The following LMNTD1 variants were observed in gnomAD, a reference collection of about 807,000 sequenced individuals.
LMNTD1 encodes lamin tail domain-containing protein 1.
Under a neutral mutation model 50.9 loss-of-function variants are expected in LMNTD1, and 35 were observed. The ratio of observed to expected loss-of-function variants is 0.69; its 90% confidence interval spans 0.53 to 0.91. LMNTD1 has a LOEUF of 0.91. LMNTD1 is among the 40% of genes least tolerant of loss of function. LMNTD1 has a pLI of 0.00. For synonymous variants in LMNTD1, 153 were observed against 161.9 expected (o/e 0.94, Z 0.42); for missense variants, 470 against 475.5 (o/e 0.99, Z 0.11).
intron 1 of LMNTD1, among the ~76,000 whole-genome samples, chr12:25,619,694 G>A (rs756829414): frequency 2.6e-5 from 4 of 152,168 alleles, no homozygotes; most frequent in African/African-American, 4.8e-5. Flanking sequence ...CCAGTGCTCC[G>A]TGGGCAGGAC....
chr12:25,487,087 G>T (rs1305731399), intron 9 of LMNTD1, among the ~76,000 whole-genome samples: 34 of 140,886 alleles, frequency 2.4e-4, no homozygotes, highest in Non-Finnish European at 2.8e-4. Context: ...GTGTGGTGTG[G>T]TGCTGAAAAA....
At chr12:25,622,867 G>A (rs1377308307) in intron 1 of LMNTD1, among the ~76,000 whole-genome samples, 1 of 140,060 alleles carries the variant, frequency 7.1e-6, no homozygotes, top group Non-Finnish European at 1.6e-5. Context: ...TTTCTGTGCT[G>A]AATTCATAAG....
intron 1 of LMNTD1, among the ~76,000 whole-genome samples, chr12:25,580,929 G>A (rs1945254760): frequency 6.6e-6 from 1 of 152,186 alleles, no homozygotes; most frequent in African/African-American, 2.4e-5. Flanking sequence ...CCCTTACCGG[G>A]TTGTTAAGAG....
intron 1 of LMNTD1, among the ~76,000 whole-genome samples, chr12:25,637,618 C>CCATTAAGCACACCAACTT (rs202029162): frequency 6.6e-6 from 1 of 151,932 alleles, no homozygotes; most frequent in South Asian, 2.1e-4. Flanking sequence ...CTGTGGGACA[C>CCATTAAGCACACCAACTT]CATTAAGCAC....
intron 1 of LMNTD1, among the ~76,000 whole-genome samples, chr12:25,622,463 G>GACCCC (rs1946491734): frequency 4.5e-5 from 5 of 111,152 alleles, no homozygotes; most frequent in Non-Finnish European, 8.1e-5. Context: ...GAGTTTGTGA[G>GACCCC]CCCGCCCCCC....
intron 1 of LMNTD1, among the ~76,000 whole-genome samples, chr12:25,634,171 G>A (rs1946776171): frequency 6.6e-6 from 1 of 152,218 alleles, no homozygotes; most frequent in South Asian, 2.1e-4. Flanking sequence ...AATAAGAAGT[G>A]AGATTGAAAT....
intron 9 of LMNTD1, among the ~76,000 whole-genome samples, chr12:25,491,463 G>T (rs1938881501): frequency 6.6e-6 from 1 of 152,346 alleles, no homozygotes; most frequent in Non-Finnish European, 1.5e-5. Flanking sequence ...AACGTAACGT[G>T]CCTGTATGGG....
intron 9 of LMNTD1, among the ~76,000 whole-genome samples, chr12:25,492,208 C>T (rs1384803706): frequency 1.3e-5 from 2 of 152,212 alleles, no homozygotes; most frequent in Non-Finnish European, 1.5e-5. Context: ...GAATATCCAT[C>T]AAGTTTTTAC....
intron 9 of LMNTD1, among the ~76,000 whole-genome samples, chr12:25,500,572 A>G (rs1939328052): frequency 1.3e-5 from 2 of 152,162 alleles, no homozygotes; most frequent in Admixed American, 6.5e-5. Context: ...GGTGCTTTCT[A>G]TGGGTCCTAA....
At chr12:25,591,806 C>G (rs1371244534) in intron 1 of LMNTD1, among the ~76,000 whole-genome samples, 1 of 60,552 alleles carries the variant, frequency 1.7e-5, no homozygotes, top group East Asian at 4.5e-4. Context: ...CCTAATAGCT[C>G]AGAACAGAGA....
At chr12:25,633,820 C>G (rs1354610592) in intron 1 of LMNTD1, among the ~76,000 whole-genome samples, 1 of 151,880 alleles carries the variant, frequency 6.6e-6, no homozygotes, top group Non-Finnish European at 1.5e-5. Flanking sequence ...AGGAAATAAC[C>G]AAGACCAGAG....
intron 9 of LMNTD1, among the ~76,000 whole-genome samples, chr12:25,480,013 CA>C (rs1938396507): frequency 6.6e-6 from 1 of 152,222 alleles, no homozygotes; most frequent in Non-Finnish European, 1.5e-5. Flanking sequence ...TGGGCAATGA[CA>C]GGGGTGGCTG....
intron 4 of LMNTD1, among the ~76,000 whole-genome samples, chr12:25,529,422 C>T (rs1942064682): frequency 6.6e-6 from 1 of 152,160 alleles, no homozygotes; most frequent in Non-Finnish European, 1.5e-5. Flanking sequence ...CCCCTGAACT[C>T]ATCACTTTGG....
intron 4 of LMNTD1, among the ~76,000 whole-genome samples, chr12:25,527,671 TATATATATATACACACAC>T (rs1259703651): frequency 5.4e-3 from 119 of 22,004 alleles, no homozygotes; most frequent in Middle Eastern, 0.026. Context: ...TATATATATA[TATATATATATACACACAC>T]ACACACACAC....
chr12:25,606,396 C>A (rs74503727), intron 1 of LMNTD1, among the ~76,000 whole-genome samples: 48,393 of 151,972 alleles, frequency 0.32, 8,737 homozygotes, highest in East Asian at 0.8. Flanking sequence ...GAGAGGGCAT[C>A]CCTGTCTTGT....
At chr12:25,511,002 C>G (rs1940239446) in intron 8 of LMNTD1, among the ~76,000 whole-genome samples, 1 of 152,002 alleles carries the variant, frequency 6.6e-6, no homozygotes, top group Non-Finnish European at 1.5e-5. Flanking sequence ...TGGTGGGGAC[C>G]AGAGAGGGGT....
intron 1 of LMNTD1, among the ~76,000 whole-genome samples, chr12:25,586,828 T>C (rs545268253): frequency 6.6e-6 from 1 of 152,326 alleles, no homozygotes; most frequent in South Asian, 2.1e-4. Context: ...ACTTAGTGTA[T>C]AGCTGATGAC....
chr12:25,520,355 A>T (rs1204677578), intron 6 of LMNTD1, among the ~76,000 whole-genome samples: 1 of 151,784 alleles, frequency 6.6e-6, no homozygotes, highest in East Asian at 1.9e-4. Flanking sequence ...CTGCTACTTT[A>T]TATCCTTTGA....
chr12:25,538,927 G>GT (rs1391794104), intron 4 of LMNTD1, among the ~76,000 whole-genome samples: 1 of 144,506 alleles, frequency 6.9e-6, no homozygotes, highest in Non-Finnish European at 1.5e-5. Context: ...TGCAATCCTA[G>GT]TCTCTGATAA....
Sources: allele counts gnomAD v4.1 joint callset (sites outside exome capture counted in the v4.1 genomes callset), GRCh38; gene constraint gnomAD v4.1.1; transcripts MANE v1.5; gene names NCBI Gene and HGNC (gene_info 2026-07-23, HGNC 2026-07-21).